The following ABCB5 variants were observed in gnomAD, a reference collection of about 807,000 sequenced individuals.
ABCB5 encodes ATP binding cassette subfamily B member 5.
In ABCB5, 155 loss-of-function variants were observed where a neutral mutation model predicts 144.2. That is an observed-to-expected ratio of 1.08 (90% CI 0.94 to 1.23). The LOEUF is 1.23. ABCB5 is among the 50% of genes most tolerant of loss of function. ABCB5 has a pLI of 0.00. For missense variants in ABCB5, 1,830 were observed against 1,520.8 expected, an observed-to-expected ratio of 1.20 and a Z score of -3.38; for synonymous variants, 610 against 528.6, an observed-to-expected ratio of 1.15 and a Z score of -2.11.
At chr7:20,700,646 G>T (rs1238721753) in intron 19 of ABCB5, among the ~76,000 whole-genome samples, 2 of 152,188 alleles carry the variant, frequency 1.3e-5, no homozygotes, top group African/African-American at 4.8e-5. Flanking sequence ...CCTGCCTCAC[G>T]CAGATGATCA....
At chr7:20,639,862 A>G (rs1434398199) in intron 5 of ABCB5, among the ~76,000 whole-genome samples, 1 of 152,148 alleles carries the variant, frequency 6.6e-6, no homozygotes, top group Non-Finnish European at 1.5e-5. Context: ...GTATTTTATG[A>G]TCACCTTGTC....
rs545222369 is a variant in ABCB5, at chr7:20,693,917, C to T, written c.2011-4490C>T. On this transcript the variant is annotated intron_variant, in intron 16 of 27. Coordinates refer to ENST00000404938, the MANE Select transcript of ABCB5 (RefSeq NM_001163941.2). ...CAACTCAGATGAAATGAGCAAATTC[C>T]CTAAAGTTTACAAACTACCAAAGCC... 2.8e-4 allele frequency among the ~76,000 whole-genome samples: 42 copies of T among 151,184 alleles called. No homozygotes were observed. In the South Asian group the frequency reaches 7.9e-3, roughly 29 times the overall value.
intron 23 of ABCB5, among the ~76,000 whole-genome samples, chr7:20,730,043 G>C (rs1242226144): frequency 6.6e-6 from 1 of 152,156 alleles, no homozygotes; most frequent in Non-Finnish European, 1.5e-5. Context: ...TATTTATTAA[G>C]CATTAAGTGA....
intron 25 of ABCB5, among the ~76,000 whole-genome samples, chr7:20,743,834 A>G (rs1391297922): frequency 4.6e-5 from 7 of 152,070 alleles, no homozygotes; most frequent in Non-Finnish European, 1.0e-4. Flanking sequence ...TTAGGGACTC[A>G]AGGGAGTCCT....
At chr7:20,736,241 C>CTT (rs1782375797) in intron 23 of ABCB5, among the ~76,000 whole-genome samples, 2 of 151,978 alleles carry the variant, frequency 1.3e-5, no homozygotes, top group South Asian at 4.2e-4. Flanking sequence ...TTTCTTGAGA[C>CTT]GGAGTCTCAC....
intron 14 of ABCB5, among the ~76,000 whole-genome samples, chr7:20,680,089 T>A (rs1006026129): frequency 6.6e-6 from 1 of 152,144 alleles, no homozygotes; most frequent in African/African-American, 2.4e-5. Context: ...GAATAAATTA[T>A]CCGCAACTCT....
intron 14 of ABCB5, chr7:20,667,140 T>G (rs1349020013): frequency 2.4e-6 from 2 of 836,298 alleles, no homozygotes; most frequent in Admixed American, 1.2e-4. Context: ...TTTAAGTTAT[T>G]AGATATTTCT....
intron 14 of ABCB5, among the ~76,000 whole-genome samples, chr7:20,669,501 T>G (rs1330548751): frequency 8.3e-6 from 1 of 120,958 alleles, no homozygotes; most frequent in African/African-American, 3.5e-5. Context: ...GTGCAAGATG[T>G]GCTTTGTTAA....
chr7:20,745,188 G>A (rs372571009), intron 25 of ABCB5, 44 bp from the exon 26 acceptor site: 2 of 1,562,642 alleles, frequency 1.3e-6, no homozygotes, highest in African/African-American at 2.7e-5. Flanking sequence ...ACATGATACA[G>A]TTGTGTGATC....
chr7:20,695,965 G>A (rs1287030521), intron 16 of ABCB5, among the ~76,000 whole-genome samples: 1 of 151,956 alleles, frequency 6.6e-6, no homozygotes, highest in African/African-American at 2.4e-5. Flanking sequence ...TTAGCTGGTG[G>A]GAGTATAAAA....
chr7:20,728,625 G>T (rs908847068), intron 23 of ABCB5, among the ~76,000 whole-genome samples, 170 bp downstream of exon 23: 2 of 152,146 alleles, frequency 1.3e-5, no homozygotes, highest in African/African-American at 4.8e-5. Flanking sequence ...GTGGTGGCAG[G>T]CTCCTGTAAT....
intron 6 of ABCB5, 22 bp from the exon 7 acceptor site, chr7:20,643,439 T>C: frequency 6.2e-7 from 1 of 1,613,840 alleles, no homozygotes; most frequent in Non-Finnish European, 8.5e-7. Context: ...ATGACCTAAC[T>C]ACATTTATTT....
At chr7:20,726,667 T>C (rs1169531264) in intron 21 of ABCB5, among the ~76,000 whole-genome samples, 1 of 152,098 alleles carries the variant, frequency 6.6e-6, no homozygotes, top group African/African-American at 2.4e-5. Context: ...GTGCCTAGCA[T>C]CTGCTATCTT....
chr7:20,691,778 A>C (rs192379094), intron 16 of ABCB5, among the ~76,000 whole-genome samples: 6 of 152,226 alleles, frequency 3.9e-5, no homozygotes, highest in African/African-American at 1.4e-4. Flanking sequence ...AAAAGGATTA[A>C]ACTGTTTCCA....
At chr7:20,745,058 G>C (rs139605328) in intron 25 of ABCB5, among the ~76,000 whole-genome samples, 174 bp from the exon 26 acceptor site, 29 of 152,284 alleles carry the variant, frequency 1.9e-4, no homozygotes, top group African/African-American at 7.0e-4. Context: ...GTTACACGCT[G>C]TTTGCTTCTA....
chr7:20,726,045 T>C (rs961005783), intron 21 of ABCB5, among the ~76,000 whole-genome samples: 4 of 152,162 alleles, frequency 2.6e-5, no homozygotes, highest in African/African-American at 9.6e-5. Context: ...AAACAGGAAG[T>C]TTCTCTTTCA....
intron 23 of ABCB5, among the ~76,000 whole-genome samples, chr7:20,728,745 C>T (rs1483624361): frequency 3.3e-5 from 5 of 152,134 alleles, no homozygotes; most frequent in Non-Finnish European, 7.4e-5. Context: ...CAAAGTGAGA[C>T]TCTGTCTCAA....
rs553111002 is a variant in ABCB5, at chr7:20,686,913, T to A, written c.2010+1077T>A. Among the ~76,000 whole-genome samples, 4 of 152,318 alleles carry A rather than the reference T, an allele frequency of 2.6e-5. No homozygotes were observed. In the East Asian group the frequency reaches 5.8e-4, roughly 22 times the overall value. On this transcript the variant is annotated intron_variant, in intron 16 of 27. Coordinates refer to ENST00000404938, the MANE Select transcript of ABCB5 (RefSeq NM_001163941.2). ...TCTGCCCCAAAACCCCTCTTGCCCT[T>A]CTCTGGCATTGCTAATCCATTGCTT...
intron 5 of ABCB5, among the ~76,000 whole-genome samples, chr7:20,639,321 A>T (rs1784236800): frequency 6.6e-6 from 1 of 152,122 alleles, no homozygotes; most frequent in African/African-American, 2.4e-5. Flanking sequence ...ACTTTCTTAG[A>T]GGTTTCTTTT....
Sources: allele counts gnomAD v4.1 joint callset (sites outside exome capture counted in the v4.1 genomes callset), GRCh38; gene constraint gnomAD v4.1.1; transcripts MANE v1.5; gene names NCBI Gene and HGNC (gene_info 2026-07-23, HGNC 2026-07-21).